The following NEBL variants were observed in gnomAD, a reference collection of about 807,000 sequenced individuals.
NEBL encodes the protein nebulette.
A neutral mutation model predicts 140.2 loss-of-function variants in NEBL; 122 were observed. That is an observed-to-expected ratio of 0.87 (90% CI 0.75 to 1.01). The LOEUF (loss-of-function observed/expected upper bound fraction) is 1.01, where lower values mean the gene tolerates loss of function less well. Ranked by LOEUF, NEBL falls within the 50% of genes least tolerant of loss-of-function variation. The pLI, the probability that NEBL is intolerant of heterozygous loss-of-function variation, is 0.00. For missense variants in NEBL, 1,365 were observed against 1,231.3 expected (o/e 1.11, Z -1.62); for synonymous variants, 436 against 398.9 (o/e 1.09, Z -1.11).
intron 4 of NEBL, among the ~76,000 whole-genome samples, chr10:20,937,465 C>T (rs145141524): frequency 1.2e-3 from 189 of 152,184 alleles, no homozygotes; most frequent in Non-Finnish European, 1.9e-3. Context: ...GGGGTGGAGA[C>T]AAGATGGTCG....
chr10:21,251,330 T>A (rs1588563877), intron 2 of NEBL, among the ~76,000 whole-genome samples: 1 of 152,168 alleles, frequency 6.6e-6, no homozygotes, highest in Non-Finnish European at 1.5e-5. Context: ...TGTGGCCAGG[T>A]CGGGGTAGGG....
chr10:20,926,444 A>G (rs1833917373), intron 4 of NEBL, among the ~76,000 whole-genome samples: 1 of 152,166 alleles, frequency 6.6e-6, no homozygotes, highest in African/African-American at 2.4e-5. Context: ...TCAGTTTCCT[A>G]TCAAACATTT....
chr10:20,978,273 T>C (rs72789353), intron 3 of NEBL, among the ~76,000 whole-genome samples: 8,558 of 152,154 alleles, frequency 0.056, 501 homozygotes, highest in African/African-American at 0.15. Flanking sequence ...TAAGACTGAA[T>C]AGTCTAATCA....
chr10:21,128,700 C>A (rs958909824), intron 2 of NEBL, among the ~76,000 whole-genome samples: 6 of 152,050 alleles, frequency 3.9e-5, no homozygotes, highest in Non-Finnish European at 7.4e-5. Context: ...TCATCAACAC[C>A]TTTTCCAAAT....
intron 3 of NEBL, among the ~76,000 whole-genome samples, chr10:21,237,012 C>G (rs1842362297): frequency 2.0e-5 from 3 of 152,138 alleles, no homozygotes; most frequent in Admixed American, 1.3e-4. Flanking sequence ...GGATTTAAAC[C>G]CAGGCAGCCT....
chr10:21,247,852 T>C (rs1251893675), intron 3 of NEBL: 3 of 207,036 alleles, frequency 1.4e-5, no homozygotes, highest in South Asian at 1.0e-4. Flanking sequence ...GATGACATTA[T>C]AATCTATAAA....
intron 2 of NEBL, among the ~76,000 whole-genome samples, chr10:20,894,927 T>TAA (rs56137796): frequency 1.5e-4 from 12 of 79,788 alleles, no homozygotes; most frequent in Admixed American, 3.0e-4. Flanking sequence ...AGACTCTGTC[T>TAA]AAAAAAAAAA....
At chr10:20,917,631 C>T (rs1425782951) in intron 4 of NEBL, among the ~76,000 whole-genome samples, 1 of 152,152 alleles carries the variant, frequency 6.6e-6, no homozygotes, top group Non-Finnish European at 1.5e-5. Flanking sequence ...GAAACTTATG[C>T]AAATTTTGAC....
At chr10:20,959,356 A>G (rs1271812235) in intron 4 of NEBL, among the ~76,000 whole-genome samples, 1 of 152,122 alleles carries the variant, frequency 6.6e-6, no homozygotes, top group Non-Finnish European at 1.5e-5. Context: ...TCCAGTCTAG[A>G]CACTTTCTCA....
intron 4 of NEBL, among the ~76,000 whole-genome samples, chr10:20,957,647 C>T (rs140962045): frequency 7.0e-4 from 106 of 152,198 alleles, no homozygotes; most frequent in African/African-American, 2.4e-3. Context: ...CACAGATATA[C>T]GCACACACAG....
chr10:20,869,731 A>G lies in NEBL; in HGVS notation c.582+9T>C, dbSNP rs185873503. On this transcript the variant is annotated intron_variant, in intron 6 of 27. Coordinates refer to ENST00000377122, the MANE Select transcript of NEBL (RefSeq NM_006393.3). Reference sequence around the variant, plus strand: ...TCATTTCCGTTCAAGGTTTAGAAAGAGAAGTTACATTGCTTATGATCTTAG... The same window carrying G: ...TCATTTCCGTTCAAGGTTTAGAAAGGGAAGTTACATTGCTTATGATCTTAG... 8.3e-5 allele frequency: 131 copies of G among 1,579,618 alleles called. 1 individual carries two copies. The East Asian group carries it at 1.9e-3, about 23-fold the overall frequency.
At chr10:21,180,495 C>G (rs74760603) in intron 3 of NEBL, among the ~76,000 whole-genome samples, 224 of 152,280 alleles carry the variant, frequency 1.5e-3, no homozygotes, top group African/African-American at 4.8e-3. Context: ...TACTTGCAGT[C>G]TTCAGATAAT....
chr10:21,105,433 G>T (rs889228005), intron 2 of NEBL, among the ~76,000 whole-genome samples: 2 of 151,934 alleles, frequency 1.3e-5, no homozygotes, highest in Non-Finnish European at 2.9e-5. Context: ...GAGAACATGC[G>T]GTGTTTGGTT....
At chr10:21,172,575 T>C (rs1282496018) in intron 1 of NEBL, 3 of 804,732 alleles carry the variant, frequency 3.7e-6, no homozygotes, top group East Asian at 2.6e-5. Context: ...ACAGTCCCTG[T>C]AGCTGAAAAT....
intron 1 of NEBL, among the ~76,000 whole-genome samples, chr10:21,269,085 G>A (rs1283570699): frequency 3.3e-5 from 5 of 152,282 alleles, no homozygotes; most frequent in Admixed American, 2.0e-4. Context: ...GAAGCACTGT[G>A]GGGATCCCCA....
intron 10 of NEBL, among the ~76,000 whole-genome samples, chr10:20,851,619 C>CA (rs1342689533): frequency 0.084 from 9,588 of 114,446 alleles, 434 homozygotes; most frequent in Middle Eastern, 0.17. Flanking sequence ...ACTAAAAATA[C>CA]AAAAAAAAAA....
intron 4 of NEBL, among the ~76,000 whole-genome samples, chr10:20,916,497 C>G (rs1282267422): frequency 6.6e-6 from 1 of 152,174 alleles, no homozygotes; most frequent in Non-Finnish European, 1.5e-5. Context: ...ACCTTCACCT[C>G]CCAGGCTCAA....
chr10:20,936,915 C>T (rs1834520867), intron 4 of NEBL, among the ~76,000 whole-genome samples: 1 of 152,140 alleles, frequency 6.6e-6, no homozygotes, highest in Non-Finnish European at 1.5e-5. Flanking sequence ...AGAACAAAAG[C>T]ATAAGAAGGA....
intron 13 of NEBL, among the ~76,000 whole-genome samples, chr10:20,835,899 G>C (rs1840842357): frequency 6.6e-6 from 1 of 152,180 alleles, no homozygotes; most frequent in African/African-American, 2.4e-5. Context: ...TTTGGGGCTG[G>C]AGGATAGGGA....
Sources: allele counts gnomAD v4.1 joint callset (sites outside exome capture counted in the v4.1 genomes callset), GRCh38; gene constraint gnomAD v4.1.1; transcripts MANE v1.5; gene names NCBI Gene and HGNC (gene_info 2026-07-23, HGNC 2026-07-21).